Variants in RIF1 observed in about 807,000 individuals in gnomAD.
RIF1 encodes the protein replication timing regulatory factor 1, also known as telomere-associated protein RIF1.
Under a neutral mutation model 247.1 loss-of-function variants are expected in RIF1, and 45 were observed. The ratio of observed to expected loss-of-function variants is 0.18; its 90% confidence interval spans 0.14 to 0.23. The LOEUF is 0.23. Ranked by LOEUF, RIF1 falls within the 10% of genes least tolerant of loss-of-function variation. The probability of loss-of-function intolerance (pLI) is 1.00; values close to 1 mark genes in which losing one functional copy is unlikely to be tolerated. For synonymous variants in RIF1, 1,087 were observed against 978.8 expected (o/e 1.11, Z -2.06); for missense variants, 2,967 against 2,862.5 (o/e 1.04, Z -0.83).
chr2:151,507,080 A>G (rs1274783055), intron 13 of RIF1: 1 of 990,000 alleles, frequency 1.0e-6, no homozygotes, highest in African/African-American at 1.6e-5. Flanking sequence ...TTTGTCCTAT[A>G]TTATGTGAAG....
intron 23 of RIF1, 122 bp downstream of exon 23, chr2:151,456,742 T>C (rs1323521299): frequency 1.0e-5 from 6 of 574,246 alleles, no homozygotes; most frequent in Non-Finnish European, 1.7e-5. Context: ...TTCTTTCTTT[T>C]TTTCCTGGAG....
chr2:151,496,246 A>C, intron 10 of RIF1: 4 of 1,524,820 alleles, frequency 2.6e-6, no homozygotes, highest in Non-Finnish European at 3.6e-6. Flanking sequence ...TAAAATCAGT[A>C]AGTAGTTTTT....
At position 151,490,093 on chromosome 2, in the gene RIF1, C is replaced by A. The variant is rs201934608; in HGVS notation, c.*416-5136C>A. 7.3e-5 allele frequency: 114 copies of A among 1,571,730 alleles called. No homozygotes were observed. Among genetic ancestry groups the A allele is most frequent in the Non-Finnish European group, 9.0e-5 (104 of 1,149,318 alleles). On this transcript the variant is annotated intron_variant and NMD_transcript_variant, in intron 9 of 13. Transcript: ENST00000454583. ...TGTTTGTAAGCTGAAAAAAAGGGGG[C>A]AAATTCTTTATAAGAAGAAAAATGG...
In RIF1 at chr2:151,433,896, G is replaced by A. The variant is rs372803855; in HGVS notation, c.1077+668G>A. On this transcript the variant is annotated intron_variant, in intron 10 of 35. Transcript: ENST00000444746. ...CATCAGTGAAATAGAAATCAGCCGG[G>A]CGCGGTGACTCATGCCTGTAGTCCT... 1.2e-4 allele frequency among the ~76,000 whole-genome samples: 19 copies of A among 152,150 alleles called. 1 individual carries two copies. In the East Asian group the frequency reaches 2.3e-3, roughly 19 times the overall value.
At position 151,436,950 on chromosome 2, in the gene RIF1, T is replaced by C. The variant is rs751239842; in HGVS notation, c.1319T>C (p.Leu440Ser). 1 of 1,614,192 alleles carries C rather than the reference T, an allele frequency of 6.2e-7. No individual in the cohort carries two copies. The highest frequency in any genetic ancestry group is 8.5e-7 in the Non-Finnish European group (1 of 1,180,006). ...LGLEMLLHFL[L>S]GPEALSFAKQ... ...CTTGAAATGTTGCTTCATTTCTTGTTGGGTCCAGAAGCCTTGAGTTTTGCT... is the reference window on the plus strand; with the variant it reads ...CTTGAAATGTTGCTTCATTTCTTGTCGGGTCCAGAAGCCTTGAGTTTTGCT... Residue 440 changes from leucine (L) to serine (S), a missense_variant, in exon 12 of 36, where the codon TTG (leucine) becomes TCG (serine). By Grantham distance (145) the Leu-to-Ser change is moderately radical. This residue lies in a region of RIF1 where 369 missense variants were observed against 322.0 expected (regional missense o/e 1.15). Transcript: ENST00000444746.
chr2:151,436,731 GT>G (rs948578722), intron 11 of RIF1, 95 bp from the exon 12 acceptor site: 26 of 899,930 alleles, frequency 2.9e-5, no homozygotes, highest in African/African-American at 1.0e-4. Flanking sequence ...TTTAAACTCT[GT>G]TTTTAAAAGT....
At position 151,474,948 on chromosome 2, in the gene RIF1, T is replaced by G. The variant is rs149905373; in HGVS notation, c.7296T>G (p.Asp2432Glu). The G allele has an allele frequency of 1.9e-6, 3 of 1,611,230 alleles. No individual in the cohort carries two copies. In the African/African-American group the frequency reaches 4.0e-5, roughly 22 times the overall value. ...TTGCTCTTCAGCTGGATTCAGAAGA[T>G]CTTCATAATTATTCAGGAAGCCAAC... ...SALALQLDSE[D>E]LHNYSGSQLF... Residue 2432 changes from aspartate (D) to glutamate (E), a missense_variant, in exon 36 of 36, where the codon GAT becomes GAG. By Grantham distance (45) the Asp-to-Glu change is conservative. Coordinates refer to ENST00000444746, the MANE Select transcript of RIF1 (RefSeq NM_018151.5).
At chr2:151,434,159 C>T (rs945253330) in intron 10 of RIF1, among the ~76,000 whole-genome samples, 5 of 139,384 alleles carry the variant, frequency 3.6e-5, no homozygotes, top group Non-Finnish European at 6.3e-5. Flanking sequence ...CAGAGTGAGA[C>T]TCCATCTCAA....
At position 151,463,868 on chromosome 2, in the gene RIF1, C is replaced by A; in HGVS notation, c.4348C>A (p.Pro1450Thr). 2 of 1,612,318 alleles carry A rather than the reference C, an allele frequency of 1.2e-6. No homozygotes were observed. The highest frequency in any genetic ancestry group is 2.2e-5 in the East Asian group (1 of 44,872). The change falls in exon 30 of 36, where the codon CCT becomes ACT. Residue 1450 changes from proline (P) to threonine (T), a missense_variant. Coordinates refer to ENST00000444746, the MANE Select transcript of RIF1 (RefSeq NM_018151.5). ...GGAACGACGTAAGGAAGAAGAAAAACCTCTTCAGAAGAGTCCATTGCATAT... is the reference window on the plus strand; with the variant it reads ...GGAACGACGTAAGGAAGAAGAAAAAACTCTTCAGAAGAGTCCATTGCATAT... ...KKERRKEEEK[P>T]LQKSPLHIKD... is the part of the protein sequence containing the mutation.
intron 9 of RIF1, 65 bp downstream of exon 9, chr2:151,428,987 A>G: frequency 9.4e-7 from 1 of 1,066,868 alleles, no homozygotes. Flanking sequence ...AGATAAATGA[A>G]GTTTTTCTGG....
In RIF1 at chr2:151,411,241, G is replaced by A; in HGVS notation, c.105-19G>A. ...TTTCCTGTCAACTACTTAAACTTGT[G>A]TTCTTCCTGCTTTTTAAGTCGTATG... On this transcript the variant is annotated intron_variant, in intron 2 of 35. Coordinates refer to ENST00000444746, the MANE Select transcript of RIF1 (RefSeq NM_018151.5). 6.7e-7 allele frequency: 1 copy of A among 1,487,614 alleles called. No individual in the cohort carries two copies. The allele number at this position is 1,487,614 out of a possible 1,614,324, so 92.2% of individuals were successfully genotyped here. A position where few individuals can be genotyped will look rare whatever the true frequency, so the allele number is the denominator to read the frequency against.
intron 8 of RIF1, among the ~76,000 whole-genome samples, chr2:151,424,847 TTTTTTTTTTC>T (rs1434235968): frequency 7.3e-6 from 1 of 137,068 alleles, no homozygotes; most frequent in Non-Finnish European, 1.5e-5. Context: ...TTTTTTTTTT[TTTTTTTTTTC>T]CATATTTTTT....
chr2:151,496,519 T>C (rs950622747), intron 10 of RIF1, among the ~76,000 whole-genome samples: 11 of 152,200 alleles, frequency 7.2e-5, no homozygotes, highest in Admixed American at 6.5e-4. Flanking sequence ...CCAGCTACTT[T>C]AGTGGAAGCT....
intron 8 of RIF1, chr2:151,423,623 T>G (rs1364188133): frequency 6.6e-6 from 1 of 152,402 alleles, no homozygotes; most frequent in Non-Finnish European, 1.5e-5. Flanking sequence ...GACAAAAGTG[T>G]TGTGTCCAGA....
At chr2:151,436,082 G>A (rs1382894652) in intron 11 of RIF1, among the ~76,000 whole-genome samples, 1 of 152,004 alleles carries the variant, frequency 6.6e-6, no homozygotes, top group African/African-American at 2.4e-5. Context: ...AAATTAGCCG[G>A]GCGTGGTCGT....
chr2:151,469,267 G>A (rs1326945148), intron 33 of RIF1, among the ~76,000 whole-genome samples: 1 of 152,130 alleles, frequency 6.6e-6, no homozygotes, highest in Non-Finnish European at 1.5e-5. Flanking sequence ...ATTTCAGGTA[G>A]TTTGTGATGC....
At position 151,481,001 on chromosome 2, in the gene RIF1, T is replaced by C. The variant is rs1163019655; in HGVS notation, c.*5930T>C. On this transcript the variant is annotated 3_prime_UTR_variant, in exon 36 of 36. Coordinates refer to ENST00000444746, the MANE Select transcript of RIF1 (RefSeq NM_018151.5). ...ACATTTTGTGACACATGAAAACATA[T>C]TAAATTAAAATTTCAGTATCCAGAA... The C allele has an allele frequency of 6.6e-6, 1 of 152,158 alleles. No individual in the cohort carries two copies. The highest frequency in any genetic ancestry group is 1.5e-5 in the Non-Finnish European group (1 of 68,032). 9.4% of individuals were successfully genotyped at this position (152,158 alleles called of 1,614,324 possible).
chr2:151,410,255 C>G, intron 1 of RIF1, 159 bp from the exon 2 acceptor site: 1 of 645,628 alleles, frequency 1.5e-6, no homozygotes. Flanking sequence ...GGAGGAGGTT[C>G]GCGCTGGGGT....
intron 24 of RIF1, 112 bp downstream of exon 24, chr2:151,458,075 T>G (rs1695496042): frequency 3.0e-6 from 2 of 677,494 alleles, no homozygotes; most frequent in Non-Finnish European, 4.9e-6. Context: ...GAGGATTCCT[T>G]AGTTGAAATA....
Sources: gnomAD v4.1 joint callset for allele counts (sites outside exome capture counted in the v4.1 genomes callset) on GRCh38, gnomAD v4.1.1 for gene constraint, gnomAD v4.1.1 regional missense constraint, MANE v1.5 for transcripts, NCBI Gene and HGNC (gene_info 2026-07-23, HGNC 2026-07-21) for gene names.